Variants in PLSCR2 observed in about 807,000 individuals in gnomAD.
The protein encoded by PLSCR2 is phospholipid scramblase 2, also known as PL scramblase 2.
Under a neutral mutation model 25.3 loss-of-function variants are expected in PLSCR2, and 18 were observed. The observed-to-expected ratio is 0.71, with a 90% confidence interval of 0.49 to 1.06. The LOEUF (loss-of-function observed/expected upper bound fraction) is 1.06. PLSCR2 is among the 50% of genes least tolerant of loss of function. The pLI, the probability that PLSCR2 is intolerant of heterozygous loss-of-function variation, is 0.00. For missense variants in PLSCR2, 243 were observed against 269.5 expected (o/e 0.90, Z 0.69); for synonymous variants, 88 against 87.3 (o/e 1.01, Z -0.04).
At position 146,471,613 on chromosome 3, in the gene PLSCR2, C is replaced by T. The variant is rs111919197; in HGVS notation, c.-292-11329G>A. Reference sequence around the variant, plus strand: ...ACAGAGTTTCACTCTGTTGCCCCGACTGGAGTGCAGTGGCACGATCTCAGC... The same window carrying T: ...ACAGAGTTTCACTCTGTTGCCCCGATTGGAGTGCAGTGGCACGATCTCAGC... On this transcript the variant is annotated intron_variant, in intron 1 of 8. Transcript: ENST00000336685. Among the ~76,000 whole-genome samples the T allele has an allele frequency of 9.4e-3, 1,410 of 149,906 alleles. 20 individuals carry two copies. Among genetic ancestry groups the T allele is most frequent in the African/African-American group, 0.034 (1,368 of 40,690 alleles).
At chr3:146,392,945 T>C (rs1343658924) in intron 3 of PLSCR2, among the ~76,000 whole-genome samples, 2 of 151,416 alleles carry the variant, frequency 1.3e-5, no homozygotes, top group African/African-American at 2.4e-5. Flanking sequence ...AGTTTTGAGA[T>C]GTAATATTTT....
intron 6 of PLSCR2, among the ~76,000 whole-genome samples, chr3:146,443,706 C>A (rs369418263): frequency 9.9e-5 from 15 of 151,838 alleles, no homozygotes; most frequent in African/African-American, 3.4e-4. Context: ...TTCCAAAAAA[C>A]CAATTTTTAC....
At chr3:146,455,612 CA>C (rs1193583952) in intron 3 of PLSCR2, among the ~76,000 whole-genome samples, 153 bp from the exon 4 acceptor site, 53 of 152,012 alleles carry the variant, frequency 3.5e-4, no homozygotes, top group Non-Finnish European at 2.4e-4. Context: ...AGGAAAAAGG[CA>C]AAGGAAAAAG....
intron 1 of PLSCR2, among the ~76,000 whole-genome samples, chr3:146,494,260 G>A (rs549162787): frequency 6.6e-6 from 1 of 152,130 alleles, no homozygotes; most frequent in African/African-American, 2.4e-5. Flanking sequence ...ACTATTATTT[G>A]AAATTAAAAC....
chr3:146,432,863 T>G (rs552761170), downstream of PLSCR2, among the ~76,000 whole-genome samples: 1 of 152,214 alleles, frequency 6.6e-6, no homozygotes, highest in Non-Finnish European at 1.5e-5. Flanking sequence ...TCATTTTCAT[T>G]CATTTTTGTC....
chr3:146,449,595 T>G (rs1449672148), intron 5 of PLSCR2, among the ~76,000 whole-genome samples: 2 of 152,042 alleles, frequency 1.3e-5, no homozygotes, highest in South Asian at 2.1e-4. Context: ...TTTACGAAAT[T>G]TTTAACATTT....
At chr3:146,458,272 TG>T in intron 3 of PLSCR2, 138 bp downstream of exon 3, 1 of 696,608 alleles carries the variant, frequency 1.4e-6, no homozygotes, top group Non-Finnish European at 2.2e-6. Context: ...ATTTCATTAT[TG>T]TAAAGACAGA....
intron 5 of PLSCR2, among the ~76,000 whole-genome samples, chr3:146,451,097 A>G (rs2040863463): frequency 1.3e-5 from 2 of 149,020 alleles, no homozygotes; most frequent in African/African-American, 2.5e-5. Flanking sequence ...AGAAGTATAC[A>G]TTAAGTTTTC....
At chr3:146,477,066 G>A (rs187344156) in intron 1 of PLSCR2, among the ~76,000 whole-genome samples, 4 of 152,314 alleles carry the variant, frequency 2.6e-5, no homozygotes, top group South Asian at 2.1e-4. Flanking sequence ...GAGAACCCCC[G>A]CAAACAGAGG....
intron 8 of PLSCR2, among the ~76,000 whole-genome samples, 182 bp from the exon 8 acceptor site, chr3:146,433,699 G>A (rs2039645974): frequency 6.6e-6 from 1 of 152,080 alleles, no homozygotes; most frequent in Admixed American, 6.6e-5. Context: ...CATACTGTCT[G>A]TACTAAGCAT....
At chr3:146,478,534 T>C (rs1344076523) in intron 1 of PLSCR2, among the ~76,000 whole-genome samples, 1 of 152,022 alleles carries the variant, frequency 6.6e-6, no homozygotes, top group African/African-American at 2.4e-5. Flanking sequence ...GTGAATACAA[T>C]TTTAGAGAAA....
intron 5 of PLSCR2, among the ~76,000 whole-genome samples, chr3:146,452,336 T>C (rs1353627116): frequency 1.3e-5 from 2 of 152,178 alleles, no homozygotes; most frequent in African/African-American, 4.8e-5. Context: ...AATTTAATAC[T>C]AATAATTGGT....
intron 1 of PLSCR2, among the ~76,000 whole-genome samples, chr3:146,492,618 AC>A (rs1255431716): frequency 1.3e-5 from 2 of 152,068 alleles, no homozygotes; most frequent in African/African-American, 2.4e-5. Flanking sequence ...GATAAAACAC[AC>A]CAGAATCTCT....
chr3:146,475,360 G>C (rs562054079), intron 1 of PLSCR2, among the ~76,000 whole-genome samples: 1 of 151,650 alleles, frequency 6.6e-6, no homozygotes, highest in Non-Finnish European at 1.5e-5. Context: ...TTTTTGCGGG[G>C]GTCATTTTTG....
At chr3:146,398,333 A>G (rs1399132492) in intron 2 of PLSCR2, among the ~76,000 whole-genome samples, 2 of 151,824 alleles carry the variant, frequency 1.3e-5, no homozygotes, top group Non-Finnish European at 1.5e-5. Flanking sequence ...GAACATTAAT[A>G]TAACACATTA....
At chr3:146,440,969 A>G (rs61063526), downstream of PLSCR2, among the ~76,000 whole-genome samples, 12,182 of 152,228 alleles carry the variant, frequency 0.08, 618 homozygotes, top group African/African-American at 0.13. Context: ...GGAGCTAACC[A>G]TTCCATGTGG....
upstream of PLSCR2, among the ~76,000 whole-genome samples, chr3:146,462,284 G>T (rs991194926): frequency 3.3e-5 from 5 of 151,756 alleles, no homozygotes; most frequent in Non-Finnish European, 7.4e-5. Context: ...TGGAGACAAG[G>T]TCTCATTATG....
chr3:146,397,458 A>T (rs936903212), intron 2 of PLSCR2, among the ~76,000 whole-genome samples: 26 of 152,178 alleles, frequency 1.7e-4, no homozygotes, highest in African/African-American at 6.0e-4. Flanking sequence ...ACTAGCTACT[A>T]CTTTATCTCT....
In PLSCR2 at chr3:146,454,149, A is replaced by G. The variant is rs371989401; in HGVS notation, c.336T>C (p.Ala112=). The G allele has an allele frequency of 5.7e-6, 9 of 1,585,004 alleles. No individual in the cohort carries two copies. In the African/African-American group the frequency reaches 1.1e-4, roughly 19 times the overall value. The change falls in exon 5 of 7, where the codon GCT becomes GCC. Residue 112 remains alanine, a synonymous_variant. Transcript: ENST00000610787. ...CATAACCTACTGGTACACCAGGAGG[A>G]GCTTGGATTTCTATCTACAAAAGTA...
Sources: gnomAD v4.1 joint callset for allele counts (sites outside exome capture counted in the v4.1 genomes callset) on GRCh38, gnomAD v4.1.1 for gene constraint, MANE v1.5 for transcripts, NCBI Gene and HGNC (gene_info 2026-07-23, HGNC 2026-07-21) for gene names.